The following PAMR1 variants were observed in gnomAD, a reference collection of about 807,000 sequenced individuals.
The protein encoded by PAMR1 is peptidase domain containing associated with muscle regeneration 1, also known as inactive serine protease PAMR1.
Under a neutral mutation model 81.8 loss-of-function variants are expected in PAMR1, and 88 were observed. That is an observed-to-expected ratio of 1.08 (90% CI 0.91 to 1.28). The LOEUF is 1.28. Among genes scored for constraint, PAMR1 ranks in the 50% most tolerant of loss-of-function variants. The pLI, the probability that PAMR1 is intolerant of heterozygous loss-of-function variation, is 0.00. For missense variants in PAMR1, 935 were observed against 919.7 expected (o/e 1.02, Z -0.21); for synonymous variants, 336 against 345.3 (o/e 0.97, Z 0.30).
chr11:35,446,650 T>A (rs1856299240), intron 6 of PAMR1, among the ~76,000 whole-genome samples: 1 of 152,140 alleles, frequency 6.6e-6, no homozygotes, highest in Non-Finnish European at 1.5e-5. Flanking sequence ...TGTGGTTGAG[T>A]GAGTTTCTTA....
chr11:35,500,195 G>A (rs1850805472), intron 1 of PAMR1, among the ~76,000 whole-genome samples: 1 of 152,178 alleles, frequency 6.6e-6, no homozygotes, highest in Non-Finnish European at 1.5e-5. Flanking sequence ...CTGTTTTAAA[G>A]CCCTAAAGTT....
At chr11:35,439,007 G>A (rs953834004) in intron 8 of PAMR1, among the ~76,000 whole-genome samples, 1 of 152,194 alleles carries the variant, frequency 6.6e-6, no homozygotes, top group Non-Finnish European at 1.5e-5. Context: ...TGGAGTGATA[G>A]AGGAAAATCA....
At chr11:35,454,737 C>G (rs941228081) in intron 6 of PAMR1, among the ~76,000 whole-genome samples, 1 of 152,152 alleles carries the variant, frequency 6.6e-6, no homozygotes, top group African/African-American at 2.4e-5. Context: ...GTGTGCAGCA[C>G]TCCTAGGCAG....
intron 1 of PAMR1, among the ~76,000 whole-genome samples, chr11:35,511,809 C>T (rs564844748): frequency 2.6e-5 from 4 of 152,158 alleles, no homozygotes; most frequent in East Asian, 1.9e-4. Flanking sequence ...CATTCCTAAC[C>T]GCTGGAGGAT....
Position 35,434,625 on chromosome 11 carries a change from A to G in PAMR1, c.1513T>C (p.Cys505Arg). 1.9e-6 allele frequency: 3 copies of G among 1,614,108 alleles called. No individual in the cohort carries two copies. The highest frequency in any genetic ancestry group is 2.5e-6 in the Non-Finnish European group (3 of 1,180,018). The part of the protein sequence containing the change: ...NERTVVVAAH[C>R]VTDLGKVTMI... ...GTGACCTTCCCCAGGTCAGTAACAC[A>G]GTGGGCAGCCACCACCACAGTGCGC... The change falls in exon 10 of 11, where the codon TGT (cysteine) becomes CGT (arginine). Residue 505 changes from cysteine to arginine, a missense_variant. Physicochemically the swap from Cys to Arg is radical, Grantham distance 180 (BLOSUM62 -3). Coordinates refer to ENST00000619888, the MANE Select transcript of PAMR1 (RefSeq NM_001001991.3).
At chr11:35,450,129 CAAAAAAAAAAAAAAA>C (rs60887441) in intron 6 of PAMR1, among the ~76,000 whole-genome samples, 9 of 43,052 alleles carry the variant, frequency 2.1e-4, no homozygotes, top group Admixed American at 1.3e-3. Flanking sequence ...TGCCTCCAGG[CAAAAAAAAAAAAAAA>C]AAAAAAAAAA....
intron 6 of PAMR1, among the ~76,000 whole-genome samples, chr11:35,446,922 A>T (rs543039380): frequency 4.3e-4 from 65 of 152,240 alleles, no homozygotes; most frequent in African/African-American, 1.4e-3. Flanking sequence ...TCTAATATTG[A>T]CAATGGGGTG....
intron 1 of PAMR1, among the ~76,000 whole-genome samples, chr11:35,521,318 A>G (rs1851272524): frequency 6.6e-6 from 1 of 151,994 alleles, no homozygotes; most frequent in Non-Finnish European, 1.5e-5. Context: ...CAGCAGCTGA[A>G]CTCCCTTGTT....
At chr11:35,491,138 C>A (rs534531902) in intron 3 of PAMR1, among the ~76,000 whole-genome samples, 1 of 152,186 alleles carries the variant, frequency 6.6e-6, no homozygotes, top group African/African-American at 2.4e-5. Flanking sequence ...TTATGGATAA[C>A]TGAACTCCCC....
At chr11:35,512,773 T>C (rs1161954547) in intron 1 of PAMR1, among the ~76,000 whole-genome samples, 5 of 152,164 alleles carry the variant, frequency 3.3e-5, no homozygotes, top group African/African-American at 1.2e-4. Flanking sequence ...CTGGAGGATC[T>C]CTTGAGCCCA....
chr11:35,504,436 A>G (rs561580175), intron 1 of PAMR1, among the ~76,000 whole-genome samples: 3 of 152,102 alleles, frequency 2.0e-5, no homozygotes, highest in Admixed American at 2.0e-4. Context: ...TTTTTGGTAG[A>G]GTTTAAGGAA....
intron 3 of PAMR1, among the ~76,000 whole-genome samples, chr11:35,482,727 A>G (rs550037181): frequency 1.4e-3 from 218 of 152,226 alleles, no homozygotes; most frequent in Non-Finnish European, 1.3e-3. Flanking sequence ...AGTGGTTTGT[A>G]GTTCTCTTTA....
At chr11:35,461,476 T>A (rs532461535) in intron 6 of PAMR1, among the ~76,000 whole-genome samples, 1 of 152,210 alleles carries the variant, frequency 6.6e-6, no homozygotes, top group African/African-American at 2.4e-5. Context: ...TTGCCCTGCA[T>A]GAGACATAGC....
chr11:35,515,171 C>T (rs1034791268), intron 1 of PAMR1, among the ~76,000 whole-genome samples: 2 of 152,250 alleles, frequency 1.3e-5, no homozygotes, highest in African/African-American at 4.8e-5. Flanking sequence ...TGTTCCCAGG[C>T]TTGCACACTT....
At chr11:35,517,517 A>G (rs1851187623) in intron 1 of PAMR1, among the ~76,000 whole-genome samples, 1 of 152,240 alleles carries the variant, frequency 6.6e-6, no homozygotes, top group Non-Finnish European at 1.5e-5. Flanking sequence ...ACTGGATGGT[A>G]TAAGGTAAAA....
intron 2 of PAMR1, 76 bp downstream of exon 2, chr11:35,494,020 T>G: frequency 8.8e-7 from 1 of 1,142,168 alleles, no homozygotes; most frequent in South Asian, 1.4e-5. Flanking sequence ...CTGCTAGAAT[T>G]CAGGCGTTCA....
At chr11:35,525,694 G>A (rs1314899850), upstream of PAMR1, 1 of 886,946 alleles carries the variant, frequency 1.1e-6, no homozygotes, top group Non-Finnish European at 1.8e-6. Flanking sequence ...CAGCTGAGCG[G>A]GAGCTCGGGT....
chr11:35,432,224 C>T lies in PAMR1; in HGVS notation c.*132G>A, dbSNP rs1855921494. 1 of 790,014 alleles carries T rather than the reference C, an allele frequency of 1.3e-6. No individual in the cohort carries two copies. The allele number at this position is 790,014 out of a possible 1,614,324, so 48.9% of individuals were successfully genotyped here. A position where few individuals can be genotyped will look rare whatever the true frequency, so the allele number is the denominator to read the frequency against. On this transcript the variant is annotated 3_prime_UTR_variant, in exon 11 of 11. Transcript: ENST00000619888. ...CTACTCACCCTTCACTGAGTTTTGT[C>T]CCTGAAGTCAGAAGCCCTGGCACAG...
intron 6 of PAMR1, among the ~76,000 whole-genome samples, chr11:35,462,509 G>T (rs1400490): frequency 0.33 from 50,119 of 152,112 alleles, 8,313 homozygotes; most frequent in Admixed American, 0.41. Flanking sequence ...AGAGTTTTCT[G>T]AAATCCTAGG....
Sources: allele counts gnomAD v4.1 joint callset (sites outside exome capture counted in the v4.1 genomes callset), GRCh38; gene constraint gnomAD v4.1.1; transcripts MANE v1.5; gene names NCBI Gene and HGNC (gene_info 2026-07-23, HGNC 2026-07-21).